The following ASCL3 variants were observed in gnomAD, a reference collection of about 807,000 sequenced individuals.
The protein encoded by ASCL3 is achaete-scute homolog 3.
In ASCL3, 1 loss-of-function variant was observed where a neutral mutation model predicts 2.3. The observed-to-expected ratio is 0.44, with a 90% CI of 0.16 to 2.10. The LOEUF (loss-of-function observed/expected upper bound fraction) is 2.10. ASCL3 is among the 30% of genes most tolerant of loss of function. The probability of loss-of-function intolerance (pLI) is 0.28; values close to 1 mark genes in which losing one functional copy is unlikely to be tolerated. For missense variants in ASCL3, 243 were observed against 229.0 expected (o/e 1.06, Z -0.40); for synonymous variants, 98 against 88.5 (o/e 1.11, Z -0.60).
Position 8,937,875 on chromosome 11 carries a change from C to A in ASCL3, c.287G>T (p.Arg96Leu), listed in dbSNP as rs375916322. ...CEYSYGPAFT[R>L]KRNERERQRV... ...CTGCCTTTCCCGCTCATTCCTTTTC[C>A]GGGTGAAGGCTGGCCCGTAGGAGTA... Residue 96 changes from arginine to leucine, a missense_variant, in exon 2 of 2, where the codon CGG becomes CTG. By Grantham distance (102) the Arg-to-Leu change is moderately radical (BLOSUM62 -2). Transcript: ENST00000531618. The A allele has an allele frequency of 1.9e-6, 3 of 1,613,970 alleles. No homozygotes were observed. The highest frequency in any genetic ancestry group is 2.5e-6 in the Non-Finnish European group (3 of 1,180,016).
chr11:8,939,739 C>A (rs747791554), intron 1 of ASCL3, among the ~76,000 whole-genome samples: 1 of 152,106 alleles, frequency 6.6e-6, no homozygotes. Flanking sequence ...AGTTAATGAT[C>A]ATGCAACCTC....
rs769005794 is a variant in ASCL3 at position 8,937,896 on chromosome 11, G to A, written c.266C>T (p.Ser89Phe). Reference protein sequence around the residue: ...PYPNYRGCEYSYGPAFTRKRN... With the variant: ...PYPNYRGCEYFYGPAFTRKRN... ...TTTCCGGGTGAAGGCTGGCCCGTAG[G>A]AGTACTCGCACCCTCTGTAATTTGG... The change falls in exon 2 of 2, where the codon TCC becomes TTC. Residue 89 changes from serine to phenylalanine, a missense_variant. Physicochemically the swap from Ser to Phe is radical, Grantham distance 155 (BLOSUM62 -2). Transcript: ENST00000531618. The A allele has an allele frequency of 1.2e-6, 2 of 1,614,098 alleles. No homozygotes were observed. Among genetic ancestry groups the A allele is most frequent in the Non-Finnish European group, 1.7e-6 (2 of 1,179,998 alleles).
chr11:8,942,619 G>A (rs951778640), intron 1 of ASCL3, among the ~76,000 whole-genome samples: 2 of 152,134 alleles, frequency 1.3e-5, no homozygotes, highest in Non-Finnish European at 2.9e-5. Context: ...TAAAAGATAT[G>A]TAGCATGTAA....
intron 1 of ASCL3, among the ~76,000 whole-genome samples, chr11:8,939,878 A>G (rs1363943907): frequency 6.6e-6 from 1 of 152,212 alleles, no homozygotes; most frequent in East Asian, 1.9e-4. Flanking sequence ...TCCCCTACAC[A>G]TTTAAAACAT....
At position 8,939,287 on chromosome 11, in the gene ASCL3, G is replaced by A. The variant is rs2064695140; in HGVS notation, c.-12-1114C>T. Among the ~76,000 whole-genome samples the A allele has an allele frequency of 3.9e-5, 6 of 152,036 alleles. No homozygotes were observed. In the South Asian group the frequency reaches 1.3e-3, roughly 32 times the overall value. On this transcript the variant is annotated intron_variant, in intron 1 of 1. Transcript: ENST00000531618. Reference sequence around the variant, plus strand: ...AGAGTCTCGCGTTGTTGCCTGGGCTGGAGTGCAGTGGCACGATCTCGGCTC... The same window carrying A: ...AGAGTCTCGCGTTGTTGCCTGGGCTAGAGTGCAGTGGCACGATCTCGGCTC...
chr11:8,937,823 G>C lies in ASCL3; in HGVS notation c.339C>G (p.Tyr113Ter). ...CTGGCAGATGATGGCGGAGCTGGGC[G>C]TAGCCTTCATTGACACATTTCACCC... Reference protein sequence around the residue: ...RQRVKCVNEGYAQLRHHLPEE... With the variant: ...RQRVKCVNEG Residue 113 changes from tyrosine (Y) to a stop codon, truncating the protein, a stop_gained, in exon 2 of 2, where the codon TAC becomes TAG. Coordinates refer to ENST00000531618, the MANE Select transcript of ASCL3 (RefSeq NM_020646.3). LOFTEE classifies it low-confidence loss of function (END_TRUNC). The C allele has an allele frequency of 6.2e-7, 1 of 1,613,876 alleles. No homozygotes were observed. The highest frequency in any genetic ancestry group is 8.5e-7 in the Non-Finnish European group (1 of 1,179,926).
chr11:8,941,342 T>TACACAC (rs34828031), intron 1 of ASCL3, among the ~76,000 whole-genome samples: 2,931 of 146,590 alleles, frequency 0.02, 65 homozygotes, highest in East Asian at 0.078. Flanking sequence ...CACACACACA[T>TACACAC]ACACACACAC....
chr11:8,940,812 A>G (rs1401322126), intron 1 of ASCL3, among the ~76,000 whole-genome samples: 1 of 152,190 alleles, frequency 6.6e-6, no homozygotes, highest in Non-Finnish European at 1.5e-5. Flanking sequence ...TAAACAATAC[A>G]GTGTAACAAC....
intron 1 of ASCL3, among the ~76,000 whole-genome samples, chr11:8,939,228 C>T (rs573691687): frequency 1.3e-5 from 2 of 152,118 alleles, no homozygotes; most frequent in South Asian, 2.1e-4. Context: ...TTTATGGTAG[C>T]GACATAAAGT....
In ASCL3 at chr11:8,937,943, G is replaced by C. The variant is rs368549747; in HGVS notation, c.219C>G (p.Pro73=). ...TTGGATAAGGCATCGGGAAAGAGAA[G>C]GGGCAGGGTTCACTGTAATTTCCCA... The part of the protein sequence containing the change: ...LILGNYSEPC[P]FSFPMPYPNY... Residue 73 remains proline, a synonymous_variant, in exon 2 of 2, where the codon CCC becomes CCG. Coordinates refer to ENST00000531618, the MANE Select transcript of ASCL3 (RefSeq NM_020646.3). 6.2e-6 allele frequency: 10 copies of C among 1,613,936 alleles called. No individual in the cohort carries two copies. The African/African-American group carries it at 1.3e-4, about 22-fold the overall frequency.
At position 8,942,997 on chromosome 11, in the gene ASCL3, C is replaced by T. The variant is rs1015463605; in HGVS notation, c.-24G>A. Reference sequence around the variant, plus strand: ...GAATAGTCTCTTACCTGAGTTTTGTCGTCAGGATGCTGTATTTTGGGCTGA... The same window carrying T: ...GAATAGTCTCTTACCTGAGTTTTGTTGTCAGGATGCTGTATTTTGGGCTGA... On this transcript the variant is annotated 5_prime_UTR_variant, in exon 1 of 2. Transcript: ENST00000531618. Among the ~76,000 whole-genome samples, 2 of 152,216 alleles carry T rather than the reference C, an allele frequency of 1.3e-5. No homozygotes were observed. The highest frequency in any genetic ancestry group is 1.9e-4 in the East Asian group (1 of 5,196).
intron 1 of ASCL3, among the ~76,000 whole-genome samples, chr11:8,942,562 G>C (rs1429840360): frequency 6.6e-6 from 1 of 152,120 alleles, no homozygotes; most frequent in Non-Finnish European, 1.5e-5. Flanking sequence ...AATTGTAAGA[G>C]ATTCTGGATG....
chr11:8,937,796 C>T lies in ASCL3; in HGVS notation c.366G>A (p.Glu122=). 3 of 1,614,112 alleles carry T rather than the reference C, an allele frequency of 1.9e-6. No individual in the cohort carries two copies. The highest frequency in any genetic ancestry group is 2.5e-6 in the Non-Finnish European group (3 of 1,180,000). ...TGCTGAGTCGCTTCTCCAAATACTCCTCTGGCAGATGATGGCGGAGCTGGG... is the reference window on the plus strand; with the variant it reads ...TGCTGAGTCGCTTCTCCAAATACTCTTCTGGCAGATGATGGCGGAGCTGGG... ...GYAQLRHHLP[E]EYLEKRLSKV... is the part of the protein sequence containing the mutation. The change falls in exon 2 of 2, where the codon GAG becomes GAA. Residue 122 remains glutamate, a synonymous_variant. Transcript: ENST00000531618.
intron 1 of ASCL3, among the ~76,000 whole-genome samples, chr11:8,938,503 C>A (rs1050253257): frequency 6.6e-6 from 1 of 151,864 alleles, no homozygotes; most frequent in Non-Finnish European, 1.5e-5. Flanking sequence ...CCCGCCTCAG[C>A]CTCCCAAAGT....
At chr11:8,942,170 C>G (rs1381835983) in intron 1 of ASCL3, among the ~76,000 whole-genome samples, 1 of 152,036 alleles carries the variant, frequency 6.6e-6, no homozygotes, top group Non-Finnish European at 1.5e-5. Context: ...TTTCGTAATT[C>G]TTGAAAAAAG....
intron 1 of ASCL3, among the ~76,000 whole-genome samples, chr11:8,941,328 A>AACACAC (rs1174966889): frequency 3.0e-4 from 35 of 116,244 alleles, no homozygotes; most frequent in Admixed American, 2.9e-4. Context: ...TGGCATACTA[A>AACACAC]ACACACACAC....
chr11:8,940,123 G>A (rs1421424383), intron 1 of ASCL3, among the ~76,000 whole-genome samples: 2 of 150,736 alleles, frequency 1.3e-5, no homozygotes, highest in Non-Finnish European at 3.0e-5. Context: ...GACTGCAGGT[G>A]TGCACTACCA....
intron 1 of ASCL3, 55 bp from the exon 2 acceptor site, chr11:8,938,228 A>C: frequency 7.4e-7 from 1 of 1,349,402 alleles, no homozygotes; most frequent in South Asian, 1.4e-5. Flanking sequence ...GATATGATCT[A>C]CTTTCTTGGA....
Position 8,937,684 on chromosome 11 carries a change from G to T in ASCL3, c.478C>A (p.Pro160Thr). Residue 160 changes from proline (P) to threonine (T), a missense_variant, in exon 2 of 2, where the codon CCT becomes ACT. Pro to Thr is a conservative substitution (Grantham distance 38, BLOSUM62 -1). Transcript: ENST00000531618. The part of the protein sequence containing the change: ...YPDKAETKNN[P>T]GKVSSMIATT... ...GCTATCATGGAGGAAACTTTTCCAGGGTTATTCTTGGTCTCAGCTTTATCA... is the reference window on the plus strand; with the variant it reads ...GCTATCATGGAGGAAACTTTTCCAGTGTTATTCTTGGTCTCAGCTTTATCA... 2 of 1,614,002 alleles carry T rather than the reference G, an allele frequency of 1.2e-6. No homozygotes were observed. The highest frequency in any genetic ancestry group is 1.7e-6 in the Non-Finnish European group (2 of 1,179,922).
Sources: gnomAD v4.1 joint callset for allele counts (sites outside exome capture counted in the v4.1 genomes callset) on GRCh38, gnomAD v4.1.1 for gene constraint, MANE v1.5 for transcripts, NCBI Gene and HGNC (gene_info 2026-07-23, HGNC 2026-07-21) for gene names.